The following SFMBT2 variants were observed in gnomAD, a reference collection of about 807,000 sequenced individuals.
SFMBT2 encodes the protein scm-like with four MBT domains protein 2.
In SFMBT2, 38 loss-of-function variants were observed where a neutral mutation model predicts 110.1. That is an observed-to-expected ratio of 0.35 (90% confidence interval 0.27 to 0.45). SFMBT2 has a LOEUF of 0.45. SFMBT2 is among the 20% of genes least tolerant of loss of function. The probability of loss-of-function intolerance (pLI) is 1.00; values close to 1 mark genes in which losing one functional copy is unlikely to be tolerated. For missense variants in SFMBT2, 1,011 were observed against 1,094.9 expected (o/e 0.92, Z 1.08); for synonymous variants, 425 against 425.4 (o/e 1.00, Z 0.01).
chr10:7,305,936 G>A (rs1245595165), intron 4 of SFMBT2, among the ~76,000 whole-genome samples: 3 of 152,246 alleles, frequency 2.0e-5, no homozygotes, highest in South Asian at 2.1e-4. Flanking sequence ...ACTGGAACAC[G>A]ATTCAAAGCA....
chr10:7,237,764 G>A (rs913176641), intron 9 of SFMBT2, among the ~76,000 whole-genome samples: 5 of 152,124 alleles, frequency 3.3e-5, no homozygotes, highest in South Asian at 4.1e-4. Flanking sequence ...AACAAGGGAC[G>A]TATATATGAC....
intron 4 of SFMBT2, among the ~76,000 whole-genome samples, chr10:7,310,826 G>A (rs1225969109): frequency 1.3e-5 from 2 of 152,000 alleles, no homozygotes; most frequent in Non-Finnish European, 2.9e-5. Flanking sequence ...TGGGCGGATC[G>A]CCTGAGGTCA....
intron 7 of SFMBT2, among the ~76,000 whole-genome samples, chr10:7,265,493 G>A (rs1484649635): frequency 1.3e-5 from 2 of 152,150 alleles, no homozygotes; most frequent in African/African-American, 2.4e-5. Context: ...GAGCCACCGC[G>A]CCTGGCCCCT....
At chr10:7,310,469 GAC>G (rs952445933) in intron 4 of SFMBT2, among the ~76,000 whole-genome samples, 2 of 152,338 alleles carry the variant, frequency 1.3e-5, no homozygotes, top group African/African-American at 4.8e-5. Context: ...GAAAGAAACA[GAC>G]AGTGATAAAG....
chr10:7,350,428 G>A (rs1300881188), intron 4 of SFMBT2, among the ~76,000 whole-genome samples: 2 of 152,130 alleles, frequency 1.3e-5, no homozygotes, highest in Non-Finnish European at 1.5e-5. Flanking sequence ...ACTCTTCCGG[G>A]CCAGCCTTAT....
At chr10:7,241,771 GTAAT>G (rs1240958515) in intron 9 of SFMBT2, among the ~76,000 whole-genome samples, 1 of 152,118 alleles carries the variant, frequency 6.6e-6, no homozygotes, top group East Asian at 1.9e-4. Flanking sequence ...ATCTTTTTAT[GTAAT>G]TCATAGAAAA....
At chr10:7,300,657 G>A (rs1175196715) in intron 4 of SFMBT2, among the ~76,000 whole-genome samples, 1 of 152,180 alleles carries the variant, frequency 6.6e-6, no homozygotes, top group Admixed American at 6.5e-5. Flanking sequence ...ACTGCATTCT[G>A]TGAGGATGGA....
At chr10:7,405,373 A>G (rs1185508235) in intron 1 of SFMBT2, among the ~76,000 whole-genome samples, 3 of 152,196 alleles carry the variant, frequency 2.0e-5, no homozygotes, top group Non-Finnish European at 4.4e-5. Flanking sequence ...AACCCAGTCC[A>G]TACCTTTATG....
At chr10:7,388,698 T>A (rs1385443226) in intron 1 of SFMBT2, among the ~76,000 whole-genome samples, 1 of 151,854 alleles carries the variant, frequency 6.6e-6, no homozygotes, top group Non-Finnish European at 1.5e-5. Flanking sequence ...ATTATTTACA[T>A]GACAGTCAGG....
intron 4 of SFMBT2, among the ~76,000 whole-genome samples, chr10:7,324,296 C>T (rs1291847978): frequency 6.6e-6 from 1 of 152,228 alleles, no homozygotes; most frequent in African/African-American, 2.4e-5. Flanking sequence ...CTTCTCTCCA[C>T]CGCATATTCA....
intron 4 of SFMBT2, among the ~76,000 whole-genome samples, chr10:7,342,505 T>A (rs1245525995): frequency 1.4e-5 from 2 of 141,710 alleles, no homozygotes; most frequent in African/African-American, 5.2e-5. Flanking sequence ...GCCTCCCGGG[T>A]TCATGCCATT....
rs1456519178 is a variant in SFMBT2, at chr10:7,158,758, C to T, written c.*5012G>A. 1.3e-5 allele frequency: 2 copies of T among 151,984 alleles called. No homozygotes were observed. Among genetic ancestry groups the T allele is most frequent in the Non-Finnish European group, 2.9e-5 (2 of 67,982 alleles). The allele number at this position is 151,984 out of a possible 1,614,324, so 9.4% of individuals were successfully genotyped here. On this transcript the variant is annotated 3_prime_UTR_variant, in exon 21 of 21. Coordinates refer to ENST00000397167, the MANE Select transcript of SFMBT2 (RefSeq NM_001387889.1). The stretch of plus-strand genomic sequence containing the variant: ...ATTTATTTACATGAAAACATATATA[C>T]AGAATACAATCTTACAGCAAACCAA...
intron 7 of SFMBT2, among the ~76,000 whole-genome samples, chr10:7,262,370 A>G (rs186843149): frequency 5.3e-5 from 8 of 151,154 alleles, no homozygotes; most frequent in Admixed American, 4.0e-4. Flanking sequence ...GGAATAGAAA[A>G]TGGCCCAAAA....
intron 1 of SFMBT2, 53 bp from the exon 2 acceptor site, chr10:7,382,002 A>C: frequency 1.1e-6 from 1 of 938,320 alleles, no homozygotes; most frequent in Non-Finnish European, 1.5e-6. Context: ...TATTGATTAT[A>C]TTCACTTATT....
intron 5 of SFMBT2, chr10:7,284,594 A>T (rs1842036240): frequency 3.4e-6 from 1 of 294,352 alleles, no homozygotes. Flanking sequence ...TTTCCCAGAC[A>T]TTCATCTTAC....
chr10:7,291,627 AC>A (rs1436174258), intron 4 of SFMBT2, among the ~76,000 whole-genome samples: 1 of 152,132 alleles, frequency 6.6e-6, no homozygotes, highest in Non-Finnish European at 1.5e-5. Flanking sequence ...CATGCATCAT[AC>A]TTAAATATGA....
chr10:7,184,860 C>A (rs1332907435), intron 16 of SFMBT2, among the ~76,000 whole-genome samples: 1 of 152,160 alleles, frequency 6.6e-6, no homozygotes, highest in Non-Finnish European at 1.5e-5. Flanking sequence ...GAGAACCCTG[C>A]AGAAATAGGG....
At chr10:7,318,086 G>A (rs1020648619) in intron 4 of SFMBT2, among the ~76,000 whole-genome samples, 1 of 152,224 alleles carries the variant, frequency 6.6e-6, no homozygotes, top group African/African-American at 2.4e-5. Flanking sequence ...CAACACAGAA[G>A]TGTCCACTGG....
intron 4 of SFMBT2, chr10:7,295,213 C>G (rs1842371699): frequency 6.6e-6 from 1 of 152,194 alleles, no homozygotes; most frequent in African/African-American, 2.4e-5. Context: ...CTTGGTTCAG[C>G]CACAGCAAAC....
Sources: gnomAD v4.1 joint callset for allele counts (sites outside exome capture counted in the v4.1 genomes callset) on GRCh38, gnomAD v4.1.1 for gene constraint, MANE v1.5 for transcripts, NCBI Gene and HGNC (gene_info 2026-07-23, HGNC 2026-07-21) for gene names.